The following SLC7A5 variants were observed in gnomAD, a reference collection of about 807,000 sequenced individuals.
SLC7A5 encodes the protein large neutral amino acids transporter small subunit 1.
Under a neutral mutation model 50.2 loss-of-function variants are expected in SLC7A5, and 23 were observed. The ratio of observed to expected loss-of-function variants is 0.46; its 90% CI spans 0.33 to 0.65. SLC7A5 has a LOEUF of 0.65. SLC7A5 is among the 30% of genes least tolerant of loss of function. SLC7A5 has a pLI of 0.02. For missense variants in SLC7A5, 578 were observed against 684.4 expected (o/e 0.84, Z 1.73); for synonymous variants, 393 against 330.6 (o/e 1.19, Z -2.05).
chr16:87,844,597 G>A (rs2143754031), intron 2 of SLC7A5, among the ~76,000 whole-genome samples: 1 of 152,366 alleles, frequency 6.6e-6, no homozygotes, highest in African/African-American at 2.4e-5. Context: ...CTGACTCAGA[G>A]GACGATGTCT....
chr16:87,864,108 G>A (rs112828025), intron 1 of SLC7A5, among the ~76,000 whole-genome samples: 3 of 149,036 alleles, frequency 2.0e-5, no homozygotes, highest in South Asian at 4.2e-4. Context: ...CCTGGCCAAC[G>A]TGGAGAAACC....
At chr16:87,846,090 C>T (rs543925564) in intron 2 of SLC7A5, among the ~76,000 whole-genome samples, 8 of 152,322 alleles carry the variant, frequency 5.3e-5, no homozygotes, top group Non-Finnish European at 1.0e-4. Context: ...TGCCCTGAGT[C>T]GCGAAGTACC....
chr16:87,839,648 G>T (rs1041107554), intron 5 of SLC7A5, 54 bp downstream of exon 5: 1 of 1,609,854 alleles, frequency 6.2e-7, no homozygotes. Context: ...TGGAAGGGAC[G>T]GGCTGGCCAC....
chr16:87,851,588 G>T, intron 2 of SLC7A5, 136 bp downstream of exon 2: 1 of 1,145,956 alleles, frequency 8.7e-7, no homozygotes, highest in Non-Finnish European at 1.2e-6. Context: ...GATTTTCCCA[G>T]AGGGAAATCT....
chr16:87,836,459 G>C, intron 8 of SLC7A5, 39 bp downstream of exon 8: 4 of 1,602,550 alleles, frequency 2.5e-6, no homozygotes, highest in Non-Finnish European at 3.4e-6. Flanking sequence ...CCCTGCCTCT[G>C]TGAAGGGTGC....
chr16:87,848,137 A>G (rs2055176574), intron 2 of SLC7A5, among the ~76,000 whole-genome samples: 2 of 123,600 alleles, frequency 1.6e-5, no homozygotes, highest in Non-Finnish European at 3.3e-5. Flanking sequence ...TGAAAGGGCA[A>G]ATTTGCTCCA....
At chr16:87,850,431 CT>C (rs1407129715) in intron 2 of SLC7A5, among the ~76,000 whole-genome samples, 1 of 152,214 alleles carries the variant, frequency 6.6e-6, no homozygotes, top group Non-Finnish European at 1.5e-5. Flanking sequence ...CCCTGGGGTC[CT>C]ACCTGCCTCC....
At position 87,832,992 on chromosome 16, in the gene SLC7A5, T is replaced by C; in HGVS notation, c.1502A>G (p.Gln501Arg). 6 of 1,613,788 alleles carry C rather than the reference T, an allele frequency of 3.7e-6. No individual in the cohort carries two copies. The highest frequency in any genetic ancestry group is 5.1e-6 in the Non-Finnish European group (6 of 1,179,832). Residue 501 changes from glutamine to arginine, a missense_variant, in exon 10 of 10, where the codon CAG becomes CGG. Gln to Arg is a conservative substitution (Grantham distance 43, BLOSUM62 1). Coordinates refer to ENST00000261622, the MANE Select transcript of SLC7A5 (RefSeq NM_003486.7). This position sits in a 1 kb window ranked among gnomAD's most constrained non-coding sequence, Gnocchi z 4.6. ...STTVLCQKLMQVVPQET is the reference protein window; with the variant it reads ...STTVLCQKLMRVVPQET ...TGGCTATGTCTCCTGGGGGACCACC[T>C]GCATGAGCTTCTGACACAGGACGGT...
rs71230729 is a variant in SLC7A5 at position 87,845,516 on chromosome 16, T to TCCAGGAAGAGTCCACGCCCACC, written c.665-4362_665-4361insGGTGGGCGTGGACTCTTCCTGG. 6.9e-4 allele frequency among the ~76,000 whole-genome samples: 60 copies of TCCAGGAAGAGTCCACGCCCACC among 86,476 alleles called. 8 individuals carry two copies. The highest frequency in any genetic ancestry group is 2.5e-3 in the South Asian group (5 of 2,006). The allele number at this position is 86,476 out of a possible 152,430, so 56.7% of individuals were successfully genotyped here. On this transcript the variant is annotated intron_variant, in intron 2 of 9. Coordinates refer to ENST00000261622, the MANE Select transcript of SLC7A5 (RefSeq NM_003486.7). ...CGCCCACCCCAGAGTCCATGCCCAC[T>TCCAGGAAGAGTCCACGCCCACC]CCAGGCAGAGTCCACGCCCACCCCA...
intron 1 of SLC7A5, among the ~76,000 whole-genome samples, chr16:87,858,694 T>C (rs2055350978): frequency 6.6e-6 from 1 of 152,134 alleles, no homozygotes; most frequent in South Asian, 2.1e-4. Flanking sequence ...GGATTTTCAA[T>C]CCCGGCTGTC....
At chr16:87,842,362 G>A (rs937878827) in intron 2 of SLC7A5, among the ~76,000 whole-genome samples, 2 of 152,214 alleles carry the variant, frequency 1.3e-5, no homozygotes, top group African/African-American at 4.8e-5. Flanking sequence ...GGCCCAAGAA[G>A]GGGAACCACC....
chr16:87,836,930 G>C, intron 7 of SLC7A5: 1 of 485,422 alleles, frequency 2.1e-6, no homozygotes, highest in Non-Finnish European at 3.8e-6. Context: ...TTGGGTTAAG[G>C]ACAGGTGAAG....
At chr16:87,856,658 G>C (rs1455877890) in intron 1 of SLC7A5, among the ~76,000 whole-genome samples, 1 of 152,218 alleles carries the variant, frequency 6.6e-6, no homozygotes, top group African/African-American at 2.4e-5. Flanking sequence ...AATCCACTCG[G>C]TACGCACAGG....
chr16:87,835,490 T>C (rs1472808231), intron 8 of SLC7A5, among the ~76,000 whole-genome samples: 4 of 152,194 alleles, frequency 2.6e-5, no homozygotes. Context: ...TTAAAGCCCC[T>C]GTTTTTTTTG....
chr16:87,833,291 C>T lies in SLC7A5; in HGVS notation c.1469-266G>A, dbSNP rs112602577. On this transcript the variant is annotated intron_variant, in intron 9 of 9. Transcript: ENST00000261622. The surrounding 1 kb of genome is among the most constrained non-coding windows in gnomAD (Gnocchi z 6.0). ...TTCAGAACCCTGGGGAGGCAGAGTG[C>T]GGCCCCTGGGGCACACGAACCAGGC... Among the ~76,000 whole-genome samples, 823 of 152,372 alleles carry T rather than the reference C, an allele frequency of 5.4e-3. 3 individuals are homozygous for T. The highest frequency in any genetic ancestry group is 0.019 in the African/African-American group (790 of 41,592).
At position 87,852,733 on chromosome 16, in the gene SLC7A5, G is replaced by T. The variant is rs888915681; in HGVS notation, c.539-884C>A. ...ATAGGCACGCTGAGCCACTGTGTGT[G>T]TGTGCGTGTGTGTGTGTGTTTTGGG... On this transcript the variant is annotated intron_variant, in intron 1 of 9. Transcript: ENST00000261622. The surrounding 1 kb of genome is among the most constrained non-coding windows in gnomAD (Gnocchi z 4.5). Among the ~76,000 whole-genome samples the T allele has an allele frequency of 6.6e-6, 1 of 151,642 alleles. No homozygotes were observed. Among genetic ancestry groups the T allele is most frequent in the Non-Finnish European group, 1.5e-5 (1 of 67,944 alleles).
chr16:87,835,716 T>C (rs1018740610), intron 8 of SLC7A5, among the ~76,000 whole-genome samples: 54 of 152,060 alleles, frequency 3.6e-4, no homozygotes, highest in Non-Finnish European at 5.1e-4. Flanking sequence ...CTTTGTGATC[T>C]GCCCGCCTCG....
Position 87,861,760 on chromosome 16 carries a change from G to T in SLC7A5, c.538+7125C>A, listed in dbSNP as rs1307809903. On this transcript the variant is annotated intron_variant, in intron 1 of 9. Transcript: ENST00000261622. This position sits in a 1 kb window ranked among gnomAD's most constrained non-coding sequence, Gnocchi z 4.2. ...TTCTGCTGGATTATGAAAGAGGTCTGTGACCCAAGAAAAAAGGGTCACAAG... is the reference window on the plus strand; with the variant it reads ...TTCTGCTGGATTATGAAAGAGGTCTTTGACCCAAGAAAAAAGGGTCACAAG... Among the ~76,000 whole-genome samples, 4 of 152,200 alleles carry T rather than the reference G, an allele frequency of 2.6e-5. No individual in the cohort carries two copies. Among genetic ancestry groups the T allele is most frequent in the South Asian group, 2.1e-4 (1 of 4,836 alleles).
chr16:87,833,769 C>T lies in SLC7A5; in HGVS notation c.1468+645G>A, dbSNP rs148887925. Among the ~76,000 whole-genome samples the T allele has an allele frequency of 4.3e-4, 65 of 152,024 alleles. 1 individual carries two copies. The highest frequency in any genetic ancestry group is 1.5e-3 in the African/African-American group (64 of 41,466). ...CTACGAGCCTGGCCACATTTGCAGG[C>T]GCTGAGGACGGGGTCCTGAGCTTGG... On this transcript the variant is annotated intron_variant, in intron 9 of 9. Transcript: ENST00000261622. The surrounding 1 kb of genome is among the most constrained non-coding windows in gnomAD (Gnocchi z 6.0).
Sources: gnomAD v4.1 joint callset for allele counts (sites outside exome capture counted in the v4.1 genomes callset) on GRCh38, gnomAD v4.1.1 for gene constraint, Gnocchi (gnomAD v3.1) non-coding constraint, MANE v1.5 for transcripts, NCBI Gene and HGNC (gene_info 2026-07-23, HGNC 2026-07-21) for gene names.